The following AVEN variants were observed in gnomAD, a reference collection of about 807,000 sequenced individuals.
The protein encoded by AVEN is apoptosis and caspase activation inhibitor.
Under a neutral mutation model 38.1 loss-of-function variants are expected in AVEN, and 41 were observed. That is an observed-to-expected ratio of 1.08 (90% CI 0.84 to 1.40). The LOEUF (loss-of-function observed/expected upper bound fraction) is 1.40, where lower values mean the gene tolerates loss of function less well. AVEN is among the 40% of genes most tolerant of loss of function. AVEN has a pLI of 0.00. For synonymous variants in AVEN, 206 were observed against 171.8 expected, an observed-to-expected ratio of 1.20 and a Z score of -1.56; for missense variants, 605 against 438.8, an observed-to-expected ratio of 1.38 and a Z score of -3.38.
intron 2 of AVEN, among the ~76,000 whole-genome samples, chr15:33,926,937 G>A (rs929454951): frequency 6.6e-6 from 1 of 152,042 alleles, no homozygotes; most frequent in African/African-American, 2.4e-5. Context: ...TTACAGGAGT[G>A]AGCCACTACA....
At chr15:33,856,186 C>T (rs1266041441), downstream of AVEN, 4 of 152,282 alleles carry the variant, frequency 2.6e-5, no homozygotes, top group Non-Finnish European at 5.9e-5. Context: ...ATGCAAAGTC[C>T]AAGTTCTTTC....
intron 1 of AVEN, among the ~76,000 whole-genome samples, chr15:34,012,127 C>G (rs1897663401): frequency 6.6e-6 from 1 of 152,174 alleles, no homozygotes; most frequent in Admixed American, 6.5e-5. Flanking sequence ...AGTCCCAACT[C>G]CCAGGTAAAG....
intron 2 of AVEN, among the ~76,000 whole-genome samples, chr15:33,901,391 C>T (rs761145266): frequency 6.6e-6 from 1 of 152,218 alleles, no homozygotes. Context: ...CACGCACACA[C>T]GTTTTATCTA....
At chr15:33,874,942 C>T (rs983386996) in intron 3 of AVEN, among the ~76,000 whole-genome samples, 2 of 152,312 alleles carry the variant, frequency 1.3e-5, no homozygotes, top group African/African-American at 4.8e-5. Flanking sequence ...GTACCTCAGG[C>T]GTAGGCCCAG....
Position 34,068,255 on chromosome 15 carries a change from A to T in AVEN, n.785-1444T>A, listed in dbSNP as rs1457790128. Among the ~76,000 whole-genome samples the T allele has an allele frequency of 4.0e-5, 6 of 148,226 alleles. 1 individual carries two copies. The highest frequency in any genetic ancestry group is 3.4e-4 in the Admixed American group (5 of 14,746). ...ATTCATTTTTTTTTTTTTTCAAGAC[A>T]GGGTCTCACTCTGTCATCCAGGCTG... On this transcript the variant is annotated intron_variant and non_coding_transcript_variant, in intron 2 of 11. Coordinates refer to the AVEN transcript ENST00000675287.
intron 2 of AVEN, among the ~76,000 whole-genome samples, chr15:33,944,991 T>G (rs1467805628): frequency 6.6e-6 from 1 of 151,992 alleles, no homozygotes; most frequent in Non-Finnish European, 1.5e-5. Context: ...AATAGAAAAT[T>G]TATGGGTGAG....
rs368522225 is a variant in AVEN, at chr15:34,063,091, G to A, written n.1468C>T. 9 of 1,614,032 alleles carry A rather than the reference G, an allele frequency of 5.6e-6. No individual in the cohort carries two copies. In the African/African-American group the frequency reaches 6.7e-5, roughly 12 times the overall value. ...TCTGTCATGAACCTTCTGGTGATCA[G>A]TTTTGACCGTTACTTTTCCATCACA... On this transcript the variant is annotated non_coding_transcript_exon_variant, in exon 5 of 12. Coordinates refer to the AVEN transcript ENST00000675287. The surrounding 1 kb of genome is among the most constrained non-coding windows in gnomAD (Gnocchi z 4.1).
intron 1 of AVEN, among the ~76,000 whole-genome samples, chr15:34,031,769 T>G (rs530723617): frequency 6.6e-6 from 1 of 152,308 alleles, no homozygotes; most frequent in African/African-American, 2.4e-5. Flanking sequence ...AAAATCAGGT[T>G]GGTCAGATTA....
chr15:33,959,826 G>A (rs7177253), intron 2 of AVEN, among the ~76,000 whole-genome samples: 41,325 of 152,078 alleles, frequency 0.27, 7,452 homozygotes, highest in African/African-American at 0.51. Flanking sequence ...TGTGACAACA[G>A]AATGAATCCT....
intron 2 of AVEN, among the ~76,000 whole-genome samples, chr15:33,970,642 TAATC>T (rs547592971): frequency 1.3e-3 from 204 of 152,038 alleles, no homozygotes; most frequent in African/African-American, 4.8e-3. Flanking sequence ...TGAAGAATAT[TAATC>T]AATATTTTAA....
At chr15:33,876,094 C>A in intron 2 of AVEN, 99 bp from the exon 3 acceptor site, 1 of 1,077,616 alleles carries the variant, frequency 9.3e-7, no homozygotes, top group Non-Finnish European at 1.3e-6. Context: ...TTCTGAAGTG[C>A]TCAAACTCAA....
chr15:33,941,436 C>T (rs974113546), intron 2 of AVEN, among the ~76,000 whole-genome samples: 2 of 152,142 alleles, frequency 1.3e-5, no homozygotes, highest in African/African-American at 4.8e-5. Flanking sequence ...GCAACTGAAA[C>T]CTACCAATCA....
chr15:33,978,953 A>G (rs968204649), intron 2 of AVEN, among the ~76,000 whole-genome samples: 5 of 152,278 alleles, frequency 3.3e-5, no homozygotes, highest in Non-Finnish European at 5.9e-5. Context: ...GAGTAGGGGT[A>G]GCAGAACAAG....
intron 5 of AVEN, among the ~76,000 whole-genome samples, chr15:34,049,087 C>T (rs2140822216): frequency 6.6e-6 from 1 of 152,276 alleles, no homozygotes; most frequent in South Asian, 2.1e-4. Context: ...GATAAGCCCA[C>T]AAAGATGAGA....
intron 1 of AVEN, among the ~76,000 whole-genome samples, chr15:34,008,672 T>C (rs1364833144): frequency 1.3e-5 from 2 of 151,518 alleles, no homozygotes; most frequent in South Asian, 4.2e-4. Context: ...GTATTTATAG[T>C]AGAGACAGGG....
At chr15:34,062,970 A>G in exon 5 of AVEN, 1 of 1,614,084 alleles carries the variant, frequency 6.2e-7, no homozygotes, top group South Asian at 1.1e-5. Flanking sequence ...CTTCTCCATG[A>G]ACCTCTACAC....
At chr15:33,878,036 G>C (rs529461306) in intron 2 of AVEN, among the ~76,000 whole-genome samples, 1 of 152,020 alleles carries the variant, frequency 6.6e-6, no homozygotes, top group Admixed American at 6.6e-5. Context: ...TCCTGGGAAT[G>C]AATCAGGAAT....
chr15:33,867,947 C>A, intron 4 of AVEN, 92 bp from the exon 5 acceptor site: 1 of 1,460,804 alleles, frequency 6.8e-7, no homozygotes, highest in Non-Finnish European at 9.1e-7. Context: ...AGCCATCAAA[C>A]TTTGTGACAG....
At chr15:33,862,999 A>ACAT (rs1412869388), downstream of AVEN, among the ~76,000 whole-genome samples, 1 of 152,220 alleles carries the variant, frequency 6.6e-6, no homozygotes, top group East Asian at 1.9e-4. Flanking sequence ...AAGAGAATAT[A>ACAT]CATCTTAATG....
Sources: gnomAD v4.1 joint callset for allele counts (sites outside exome capture counted in the v4.1 genomes callset) on GRCh38, gnomAD v4.1.1 for gene constraint, Gnocchi (gnomAD v3.1) non-coding constraint, MANE v1.5 for transcripts, NCBI Gene and HGNC (gene_info 2026-07-23, HGNC 2026-07-21) for gene names.